Variants in GLIS3 observed in about 807,000 individuals in gnomAD.
The protein encoded by GLIS3 is zinc finger protein GLIS3.
Under a neutral mutation model 78.6 loss-of-function variants are expected in GLIS3, and 53 were observed. The ratio of observed to expected loss-of-function variants is 0.67; its 90% CI spans 0.54 to 0.85. The LOEUF (loss-of-function observed/expected upper bound fraction) is 0.85. GLIS3 is among the 40% of genes least tolerant of loss of function. The pLI, the probability that GLIS3 is intolerant of heterozygous loss-of-function variation, is 0.00. For synonymous variants in GLIS3, 684 were observed against 509.9 expected (o/e 1.34, Z -4.60); for missense variants, 1,703 against 1,231.1 (o/e 1.38, Z -5.74).
the GLIS3 span, among the ~76,000 whole-genome samples, chr9:4,448,953 C>T: frequency 6.6e-6 from 1 of 152,192 alleles, no homozygotes; most frequent in African/African-American, 2.4e-5. Context: ...CGTGGTTCAT[C>T]TCACTGGGAC....
intron 2 of GLIS3, among the ~76,000 whole-genome samples, chr9:4,261,771 G>A (rs528389631): frequency 7.2e-5 from 11 of 152,164 alleles, no homozygotes; most frequent in East Asian, 3.9e-4. Flanking sequence ...TAAAGCAAGC[G>A]GCACTGCCTC....
At chr9:4,252,824 G>A (rs1451406798) in intron 2 of GLIS3, among the ~76,000 whole-genome samples, 1 of 152,156 alleles carries the variant, frequency 6.6e-6, no homozygotes, top group Non-Finnish European at 1.5e-5. Context: ...TGATGTTGAT[G>A]CTATTCCTTT....
At chr9:4,408,554 C>T in the GLIS3 span, among the ~76,000 whole-genome samples, 2 of 151,412 alleles carry the variant, frequency 1.3e-5, no homozygotes, top group Admixed American at 6.6e-5. Context: ...CGGTGAAATC[C>T]CGTCTGTACT....
At chr9:4,257,796 A>T (rs1329589783) in intron 2 of GLIS3, among the ~76,000 whole-genome samples, 1 of 151,874 alleles carries the variant, frequency 6.6e-6, no homozygotes, top group Non-Finnish European at 1.5e-5. Context: ...GATGGTCTCG[A>T]TCTCCTGACC....
Position 4,090,043 on chromosome 9 carries a change from C to A in GLIS3, c.1710+27725G>T, listed in dbSNP as rs58092575. Reference sequence around the variant, plus strand: ...CTTCTGCCCTGTGTCAGTGGGTTGTCCTGCCTGGGCTCACAGGGACTGCAG... The same window carrying A: ...CTTCTGCCCTGTGTCAGTGGGTTGTACTGCCTGGGCTCACAGGGACTGCAG... On this transcript the variant is annotated intron_variant, in intron 4 of 10. Transcript: ENST00000381971. 4.4e-4 allele frequency among the ~76,000 whole-genome samples: 67 copies of A among 152,292 alleles called. No homozygotes were observed. The East Asian group carries it at 0.011, about 25-fold the overall frequency.
chr9:3,904,908 A>G (rs1425947778), intron 6 of GLIS3, among the ~76,000 whole-genome samples: 1 of 151,542 alleles, frequency 6.6e-6, no homozygotes, highest in Non-Finnish European at 1.5e-5. Flanking sequence ...CCCACCCCCA[A>G]CTTTCTCCTT....
chr9:4,408,774 T>C, the GLIS3 span, among the ~76,000 whole-genome samples: 9,073 of 150,162 alleles, frequency 0.06, 641 homozygotes, highest in East Asian at 0.29. Flanking sequence ...GGACCTAGTA[T>C]TTGATGTCAT....
chr9:4,165,202 A>C (rs1835784707), intron 2 of GLIS3, among the ~76,000 whole-genome samples: 1 of 152,172 alleles, frequency 6.6e-6, no homozygotes. Context: ...GCACTTTGGG[A>C]GGCTGAGATG....
chr9:4,046,820 T>G (rs1452975279), intron 4 of GLIS3, among the ~76,000 whole-genome samples: 1 of 152,178 alleles, frequency 6.6e-6, no homozygotes, highest in Non-Finnish European at 1.5e-5. Context: ...ACATGGCAAT[T>G]CTTCTTCAAA....
intron 2 of GLIS3, among the ~76,000 whole-genome samples, chr9:4,325,895 T>C (rs1244013004): frequency 6.6e-6 from 1 of 152,206 alleles, no homozygotes; most frequent in Non-Finnish European, 1.5e-5. Flanking sequence ...GATCATGTCC[T>C]TTGCTGGGAC....
intron 4 of GLIS3, among the ~76,000 whole-genome samples, chr9:3,959,419 G>A (rs557585103): frequency 6.6e-6 from 1 of 152,320 alleles, no homozygotes; most frequent in East Asian, 1.9e-4. Flanking sequence ...AGCAGCCTGA[G>A]AGGACTAAGG....
At chr9:4,312,876 T>G (rs768936072) in intron 2 of GLIS3, among the ~76,000 whole-genome samples, 12 of 152,254 alleles carry the variant, frequency 7.9e-5, no homozygotes, top group Non-Finnish European at 1.6e-4. Context: ...AGGCCAGGCA[T>G]GTTACATATA....
At chr9:4,069,534 T>C (rs925666291) in intron 4 of GLIS3, among the ~76,000 whole-genome samples, 2 of 152,208 alleles carry the variant, frequency 1.3e-5, no homozygotes, top group African/African-American at 4.8e-5. Context: ...ATTCTTATTA[T>C]CTGTGACTAA....
chr9:4,126,125 A>G (rs566155690), intron 2 of GLIS3, among the ~76,000 whole-genome samples, 184 bp from the exon 3 acceptor site: 2 of 152,296 alleles, frequency 1.3e-5, no homozygotes, highest in East Asian at 3.9e-4. Flanking sequence ...ACGCTATAAT[A>G]GAAACCTTTC....
chr9:4,128,415 G>A (rs571481601), intron 2 of GLIS3, among the ~76,000 whole-genome samples: 1 of 152,316 alleles, frequency 6.6e-6, no homozygotes, highest in South Asian at 2.1e-4. Context: ...CTTGTTTGAA[G>A]CATCTCTACT....
chr9:3,874,468 T>C (rs1729531162), intron 8 of GLIS3, among the ~76,000 whole-genome samples: 1 of 152,214 alleles, frequency 6.6e-6, no homozygotes, highest in Non-Finnish European at 1.5e-5. Context: ...CTGAGTTCTG[T>C]GAACTGCTCC....
intron 4 of GLIS3, among the ~76,000 whole-genome samples, chr9:4,020,015 C>CA (rs1190219151): frequency 6.6e-6 from 1 of 152,128 alleles, no homozygotes. Flanking sequence ...CCTCCCAAAG[C>CA]ACTGGGATTA....
the GLIS3 span, among the ~76,000 whole-genome samples, chr9:4,443,285 A>G: frequency 6.6e-6 from 1 of 152,166 alleles, no homozygotes; most frequent in African/African-American, 2.4e-5. Flanking sequence ...TTCATTTCTG[A>G]TAAATAAGGA....
intron 6 of GLIS3, among the ~76,000 whole-genome samples, chr9:3,924,630 A>G (rs374538438): frequency 2.6e-5 from 4 of 152,318 alleles, no homozygotes; most frequent in South Asian, 2.1e-4. Context: ...GATACTGCCC[A>G]TGGATATCAA....
Sources: gnomAD v4.1 joint callset for allele counts (sites outside exome capture counted in the v4.1 genomes callset) on GRCh38, gnomAD v4.1.1 for gene constraint, MANE v1.5 for transcripts, NCBI Gene and HGNC (gene_info 2026-07-23, HGNC 2026-07-21) for gene names.